Variants in ABL2 observed in about 807,000 individuals in gnomAD.
The protein encoded by ABL2 is ABL proto-oncogene 2, non-receptor tyrosine kinase.
In ABL2, 49 loss-of-function variants were observed where a neutral mutation model predicts 107.7. The observed-to-expected ratio is 0.45, with a 90% CI of 0.36 to 0.58. The LOEUF is 0.58. ABL2 is among the 20% of genes least tolerant of loss of function. The pLI is 0.00. For missense variants in ABL2, 1,245 were observed against 1,457.0 expected (o/e 0.85, Z 2.37); for synonymous variants, 549 against 548.6 (o/e 1.00, Z -0.01).
intron 8 of ABL2, among the ~76,000 whole-genome samples, chr1:179,115,648 C>T (rs1001585098): frequency 6.6e-6 from 1 of 152,034 alleles, no homozygotes; most frequent in African/African-American, 2.4e-5. Context: ...ATATCCAGGG[C>T]TTGACACTAT....
intron 1 of ABL2, among the ~76,000 whole-genome samples, chr1:179,225,797 T>A (rs982453940): frequency 1.3e-5 from 2 of 151,896 alleles, no homozygotes; most frequent in African/African-American, 2.4e-5. Context: ...ATCCCAGCAC[T>A]TTGGGAGGCC....
chr1:179,217,580 C>T (rs1036843744), intron 1 of ABL2, among the ~76,000 whole-genome samples: 1 of 145,100 alleles, frequency 6.9e-6, no homozygotes, highest in South Asian at 2.2e-4. Flanking sequence ...GAGCCTCGAT[C>T]GTGCCATTGC....
intron 1 of ABL2, among the ~76,000 whole-genome samples, chr1:179,203,458 G>T (rs781483029): frequency 6.6e-6 from 1 of 151,688 alleles, no homozygotes; most frequent in Non-Finnish European, 1.5e-5. Context: ...TCCTCTCCAG[G>T]TAACTTTCCT....
At chr1:179,215,963 C>T (rs1662540467) in intron 1 of ABL2, among the ~76,000 whole-genome samples, 1 of 152,154 alleles carries the variant, frequency 6.6e-6, no homozygotes, top group Admixed American at 6.5e-5. Flanking sequence ...AACAAAATTA[C>T]ATGTGTACAT....
intron 1 of ABL2, among the ~76,000 whole-genome samples, chr1:179,228,527 C>A (rs1176310033): frequency 1.3e-5 from 2 of 152,092 alleles, no homozygotes; most frequent in Non-Finnish European, 2.9e-5. Flanking sequence ...TTGTTCATAT[C>A]CTGACTGACG....
intron 1 of ABL2, among the ~76,000 whole-genome samples, chr1:179,134,804 C>T (rs542328067): frequency 2.0e-5 from 3 of 152,336 alleles, no homozygotes; most frequent in South Asian, 2.1e-4. Context: ...GTACTGCTGC[C>T]ATCTCGGCTC....
At chr1:179,173,876 CACTG>C (rs1422362329) in intron 1 of ABL2, among the ~76,000 whole-genome samples, 1 of 151,978 alleles carries the variant, frequency 6.6e-6, no homozygotes, top group Non-Finnish European at 1.5e-5. Flanking sequence ...GAGATTTGAA[CACTG>C]ACTGGATGTG....
At chr1:179,144,958 T>C (rs1473222626) in intron 1 of ABL2, among the ~76,000 whole-genome samples, 1 of 152,208 alleles carries the variant, frequency 6.6e-6, no homozygotes, top group Non-Finnish European at 1.5e-5. Context: ...CTATTTAAAT[T>C]ACCAATAATT....
intron 1 of ABL2, among the ~76,000 whole-genome samples, chr1:179,156,091 A>T: frequency 6.6e-6 from 1 of 152,224 alleles, no homozygotes; most frequent in East Asian, 1.9e-4. Flanking sequence ...TTTTCATATG[A>T]TGTTAAAAAT....
At position 179,101,853 on chromosome 1, in the gene ABL2, T is replaced by C. The variant is rs774389737; in HGVS notation, c.*5865A>G. On this transcript the variant is annotated 3_prime_UTR_variant, in exon 12 of 12. Transcript: ENST00000502732. ...GTCCCACAGCCCTGAATCCCACCCA[T>C]GCTTCTCAGTAAGAGAGGAGCGTAG... The C allele has an allele frequency of 2.1e-5, 4 of 189,846 alleles. No homozygotes were observed. The highest frequency in any genetic ancestry group is 3.3e-5 in the Non-Finnish European group (3 of 90,406). 11.8% of individuals were successfully genotyped at this position (189,846 alleles called of 1,614,324 possible).
At chr1:179,215,860 A>G (rs78310001) in intron 1 of ABL2, among the ~76,000 whole-genome samples, 21 of 152,320 alleles carry the variant, frequency 1.4e-4, no homozygotes, top group African/African-American at 5.1e-4. Flanking sequence ...CTTAGCAATT[A>G]CCTAGAAACA....
At position 179,120,262 on chromosome 1, in the gene ABL2, C is replaced by T; in HGVS notation, c.973G>A (p.Glu325Lys). 1 of 1,605,228 alleles carries T rather than the reference C, an allele frequency of 6.2e-7. No individual in the cohort carries two copies. The highest frequency in any genetic ancestry group is 8.5e-7 in the Non-Finnish European group (1 of 1,175,048). ...AVKTLKEDTM[E>K]VEEFLKEAAV... is the part of the protein sequence containing the mutation. ...GCTTCTTTCAGGAATTCTTCTACCT[C>T]CATGGTATCTTCCTAGAAAAAGGGA... Residue 325 changes from glutamate to lysine, a missense_variant, in exon 6 of 12, where the codon GAG becomes AAG. Physicochemically the swap from Glu to Lys is moderately conservative, Grantham distance 56. Around this residue, in one of 3 missense-constraint regions of ABL2, gnomAD observed 320 missense variants for 547.0 expected, o/e 0.59. Coordinates refer to ENST00000502732, the MANE Select transcript of ABL2 (RefSeq NM_007314.4).
intron 1 of ABL2, among the ~76,000 whole-genome samples, chr1:179,155,519 C>A (rs575183902): frequency 2.6e-5 from 4 of 152,104 alleles, no homozygotes; most frequent in African/African-American, 9.6e-5. Context: ...TACCTGAGAT[C>A]AAGAGTTTGA....
In ABL2 at chr1:179,161,546, C is replaced by CA. The variant is rs367818384; in HGVS notation, c.158-28173dup. On this transcript the variant is annotated intron_variant, in intron 1 of 11. Transcript: ENST00000502732. ...GCAACATAGTGAGACCTCATCTCTA[C>CA]AAAAAATGAATAAAATCAGCTAGGC... Among the ~76,000 whole-genome samples the CA allele has an allele frequency of 3.2e-3, 492 of 152,048 alleles. 3 individuals carry two copies. Among genetic ancestry groups the CA allele is most frequent in the African/African-American group, 0.011 (463 of 41,472 alleles).
At chr1:179,113,277 G>C (rs1654284610) in intron 9 of ABL2, among the ~76,000 whole-genome samples, 1 of 152,168 alleles carries the variant, frequency 6.6e-6, no homozygotes, top group Admixed American at 6.6e-5. Context: ...TCTAATAAAA[G>C]GATGAGGAGA....
intron 1 of ABL2, among the ~76,000 whole-genome samples, chr1:179,139,882 T>G (rs1657412282): frequency 6.6e-6 from 1 of 152,182 alleles, no homozygotes; most frequent in South Asian, 2.1e-4. Flanking sequence ...TGATCTGAGG[T>G]GGAACAGTTT....
Position 179,100,368 on chromosome 1 carries a change from G to C in ABL2, c.*7350C>G, listed in dbSNP as rs1257517006. On this transcript the variant is annotated 3_prime_UTR_variant, in exon 12 of 12. Coordinates refer to ENST00000502732, the MANE Select transcript of ABL2 (RefSeq NM_007314.4). ...TGCAGAACAGTATCTGAGGTTTACTGTTGATGACACTAAAGCGTTCCCAGT... is the reference window on the plus strand; with the variant it reads ...TGCAGAACAGTATCTGAGGTTTACTCTTGATGACACTAAAGCGTTCCCAGT... The C allele has an allele frequency of 4.4e-6, 1 of 227,374 alleles. No homozygotes were observed. Among genetic ancestry groups the C allele is most frequent in the Middle Eastern group, 1.3e-3 (1 of 744 alleles). 14.1% of individuals were successfully genotyped at this position (227,374 alleles called of 1,614,324 possible).
At chr1:179,109,531 G>C (rs1653836383) in intron 11 of ABL2, 90 bp from the exon 12 acceptor site, 5 of 1,507,470 alleles carry the variant, frequency 3.3e-6, no homozygotes, top group African/African-American at 1.4e-5. Flanking sequence ...AGTTTTGTCA[G>C]CATTTATCAA....
rs572138345 is a variant in ABL2 at position 179,144,346 on chromosome 1, G to A, written c.158-10972C>T. 1.9e-4 allele frequency among the ~76,000 whole-genome samples: 29 copies of A among 152,126 alleles called. No homozygotes were observed. The East Asian group carries it at 5.3e-3, about 28-fold the overall frequency. On this transcript the variant is annotated intron_variant, in intron 1 of 11. Transcript: ENST00000502732. ...ATGGTGGCGGGCGCCTGTAGTCCCAGCTACTCGGGAGGCTGAGGCAGGAGA... is the reference window on the plus strand; with the variant it reads ...ATGGTGGCGGGCGCCTGTAGTCCCAACTACTCGGGAGGCTGAGGCAGGAGA...
Sources: gnomAD v4.1 joint callset for allele counts (sites outside exome capture counted in the v4.1 genomes callset) on GRCh38, gnomAD v4.1.1 for gene constraint, gnomAD v4.1.1 regional missense constraint, MANE v1.5 for transcripts, NCBI Gene and HGNC (gene_info 2026-07-23, HGNC 2026-07-21) for gene names.